Variants in HDAC8 observed in about 807,000 individuals in gnomAD.
HDAC8 encodes the protein histone deacetylase-like 1.
A neutral mutation model predicts 32.2 loss-of-function variants in HDAC8; 1 was observed. That is an observed-to-expected ratio of 0.03 (90% CI 0.01 to 0.15). HDAC8 has a LOEUF of 0.15. Ranked by LOEUF, HDAC8 falls within the 10% of genes least tolerant of loss-of-function variation. The pLI is 1.00. For synonymous variants in HDAC8, 108 were observed against 113.9 expected, an observed-to-expected ratio of 0.95 and a Z score of 0.33; for missense variants, 117 against 300.0, an observed-to-expected ratio of 0.39 and a Z score of 4.51.
chrX:72,363,896 G>A (rs1303630318), intron 9 of HDAC8, among the ~76,000 whole-genome samples: 1 of 112,092 alleles, frequency 8.9e-6, no homozygotes, highest in Non-Finnish European at 1.9e-5. Context: ...TTAGAAGAGA[G>A]ATGGCAAAGA....
At chrX:72,360,998 G>A (rs1355242917) in intron 9 of HDAC8, among the ~76,000 whole-genome samples, 3 of 111,797 alleles carry the variant, frequency 2.7e-5, no homozygotes, top group Non-Finnish European at 5.6e-5. Flanking sequence ...GGGGGATTGG[G>A]AGTGTCCAGA....
intron 5 of HDAC8, among the ~76,000 whole-genome samples, chrX:72,494,669 C>A (rs1210820007): frequency 9.0e-6 from 1 of 111,650 alleles, no homozygotes; most frequent in Non-Finnish European, 1.9e-5. Flanking sequence ...CCTGTTTGTA[C>A]GGCACTAAAT....
chrX:72,475,461 C>G (rs2048304550), intron 7 of HDAC8, among the ~76,000 whole-genome samples: 1 of 111,792 alleles, frequency 8.9e-6, no homozygotes, highest in African/African-American at 3.3e-5. Flanking sequence ...TATGTTTTCT[C>G]TAAATTCTCT....
intron 9 of HDAC8, among the ~76,000 whole-genome samples, chrX:72,356,439 TC>T (rs2044364264): frequency 8.9e-6 from 1 of 112,226 alleles, no homozygotes; most frequent in African/African-American, 3.2e-5. Flanking sequence ...TTTGGCTTTA[TC>T]CCCGACTAGA....
chrX:72,376,146 C>T (rs1273269411), intron 9 of HDAC8, among the ~76,000 whole-genome samples: 3 of 110,541 alleles, frequency 2.7e-5, no homozygotes, highest in Non-Finnish European at 5.7e-5. Flanking sequence ...TGAGCTCAAG[C>T]GATCCTCACG....
At chrX:72,401,636 T>C (rs1009126172) in intron 9 of HDAC8, among the ~76,000 whole-genome samples, 1 of 112,455 alleles carries the variant, frequency 8.9e-6, no homozygotes, top group Admixed American at 9.4e-5. Context: ...ATGTTGAACA[T>C]CTTTTCATGC....
chrX:72,372,934 T>C (rs1555956919), intron 9 of HDAC8, among the ~76,000 whole-genome samples: 1 of 111,886 alleles, frequency 8.9e-6, no homozygotes, highest in Non-Finnish European at 1.9e-5. Flanking sequence ...ATCCTTTAGT[T>C]ATTCATTCAT....
intron 4 of HDAC8, among the ~76,000 whole-genome samples, chrX:72,518,490 C>T (rs782130681): frequency 6.0e-4 from 67 of 111,512 alleles, no homozygotes; most frequent in Non-Finnish European, 1.2e-3. Context: ...AGCAGAATTC[C>T]CATATATCTT....
chrX:72,501,081 A>G, intron 4 of HDAC8, among the ~76,000 whole-genome samples: 1 of 111,567 alleles, frequency 9.0e-6, no homozygotes, highest in Non-Finnish European at 1.9e-5. Context: ...AAAGATCTCT[A>G]TAAAGAGAAT....
rs1160049209 is a variant in HDAC8, at chrX:72,553,062, T to A, written c.437+14827A>T. On this transcript the variant is annotated intron_variant, in intron 4 of 10. Coordinates refer to ENST00000373573, the MANE Select transcript of HDAC8 (RefSeq NM_018486.3). ...ACCCTATTTATTTATTTATTTATTT[T>A]GAGATGGCATCTCCCTCTGTCGCCC... 2.7e-5 allele frequency among the ~76,000 whole-genome samples: 3 copies of A among 110,569 alleles called. No individual in the cohort carries two copies. The East Asian group carries it at 8.5e-4, about 31-fold the overall frequency.
At chrX:72,453,653 A>T (rs1357013540) in intron 9 of HDAC8, among the ~76,000 whole-genome samples, 1 of 111,826 alleles carries the variant, frequency 8.9e-6, no homozygotes, top group African/African-American at 3.3e-5. Context: ...AGTGGTTGAA[A>T]TATTTCCAAA....
Position 72,478,300 on chromosome X carries a change from G to C in HDAC8, c.737+10633C>G, listed in dbSNP as rs782179747. Among the ~76,000 whole-genome samples the C allele has an allele frequency of 3.6e-5, 4 of 112,541 alleles. No individual in the cohort carries two copies. The South Asian group carries it at 1.5e-3, about 42-fold the overall frequency. On this transcript the variant is annotated intron_variant, in intron 7 of 10. Transcript: ENST00000373573. ...CTAGTTTGAATTACTAGCATGTCCAGTGCTTGAAAGTAATAAAAATGCATT... is the reference window on the plus strand; with the variant it reads ...CTAGTTTGAATTACTAGCATGTCCACTGCTTGAAAGTAATAAAAATGCATT...
chrX:72,479,779 T>C (rs1218639930), intron 7 of HDAC8, among the ~76,000 whole-genome samples: 1 of 112,326 alleles, frequency 8.9e-6, no homozygotes, highest in Non-Finnish European at 1.9e-5. Flanking sequence ...ACTGTCCCTC[T>C]AACCACCTGG....
chrX:72,436,587 C>A lies in HDAC8; in HGVS notation c.1005+25417G>T, dbSNP rs184267788. On this transcript the variant is annotated intron_variant, in intron 9 of 10. Coordinates refer to ENST00000373573, the MANE Select transcript of HDAC8 (RefSeq NM_018486.3). ...TATAAGAATAGAAAAAGTAAGTTCTCTAAACAGAAAGGAAATGATAAAAGA... is the reference window on the plus strand; with the variant it reads ...TATAAGAATAGAAAAAGTAAGTTCTATAAACAGAAAGGAAATGATAAAAGA... Among the ~76,000 whole-genome samples the A allele has an allele frequency of 4.3e-3, 468 of 107,796 alleles. 3 individuals carry two copies. Among genetic ancestry groups the A allele is most frequent in the South Asian group, 0.034 (84 of 2,454 alleles). 93.6% of individuals were successfully genotyped at this position (107,796 alleles called of 115,157 possible). A position where few individuals can be genotyped will look rare whatever the true frequency, so the allele number is the denominator to read the frequency against.
chrX:72,554,876 A>C (rs1395500880), intron 4 of HDAC8, among the ~76,000 whole-genome samples: 1 of 112,222 alleles, frequency 8.9e-6, no homozygotes, highest in Non-Finnish European at 1.9e-5. Context: ...ATACTTAAAC[A>C]GGTGTCCCCA....
intron 9 of HDAC8, among the ~76,000 whole-genome samples, chrX:72,457,231 T>C (rs1006523026): frequency 6.3e-5 from 7 of 111,740 alleles, no homozygotes; most frequent in Non-Finnish European, 1.1e-4. Flanking sequence ...AAAAAGAACA[T>C]TTTTGAAAAA....
intron 9 of HDAC8, among the ~76,000 whole-genome samples, chrX:72,413,123 T>A (rs1173051478): frequency 4.6e-5 from 5 of 108,449 alleles, no homozygotes; most frequent in Non-Finnish European, 7.6e-5. Flanking sequence ...TTTTTTTTTT[T>A]ATTATTATTA....
intron 9 of HDAC8, among the ~76,000 whole-genome samples, chrX:72,400,641 C>T (rs1330862721): frequency 8.9e-6 from 1 of 112,493 alleles, no homozygotes. Flanking sequence ...ATATAATCTA[C>T]ATACCCCACA....
At chrX:72,510,306 A>C (rs2049538253) in intron 4 of HDAC8, among the ~76,000 whole-genome samples, 1 of 112,102 alleles carries the variant, frequency 8.9e-6, no homozygotes, top group Non-Finnish European at 1.9e-5. Context: ...ACTACCAAAA[A>C]TGTTACCTAG....
Sources: allele counts gnomAD v4.1 joint callset (sites outside exome capture counted in the v4.1 genomes callset), GRCh38; gene constraint gnomAD v4.1.1; transcripts MANE v1.5; gene names NCBI Gene and HGNC (gene_info 2026-07-23, HGNC 2026-07-21).